The following GALNT2 variants were observed in gnomAD, a reference collection of about 807,000 sequenced individuals.
GALNT2 encodes UDP-GalNAc:polypeptide N-acetylgalactosaminyltransferase 2.
GALNT2 carries 31 observed loss-of-function variants against 81.4 expected under a neutral mutation model. The observed-to-expected ratio is 0.38, with a 90% confidence interval of 0.29 to 0.51. The LOEUF (loss-of-function observed/expected upper bound fraction) is 0.51. GALNT2 is among the 20% of genes least tolerant of loss of function. The pLI is 0.87. For synonymous variants in GALNT2, 303 were observed against 287.4 expected, an observed-to-expected ratio of 1.05 and a Z score of -0.55; for missense variants, 629 against 765.7, an observed-to-expected ratio of 0.82 and a Z score of 2.11.
intron 1 of GALNT2, among the ~76,000 whole-genome samples, chr1:230,086,891 C>T (rs559713885): frequency 1.3e-5 from 2 of 152,286 alleles, no homozygotes; most frequent in East Asian, 3.9e-4. Context: ...CTGCCACTTA[C>T]CTGTGTGCCC....
intron 1 of GALNT2, among the ~76,000 whole-genome samples, chr1:230,089,001 CTG>C (rs1328877781): frequency 1.3e-5 from 2 of 152,140 alleles, no homozygotes; most frequent in African/African-American, 2.4e-5. Context: ...GACTCAAGCA[CTG>C]TGTGTCCTTT....
At chr1:230,100,353 C>G (rs1007103496) in intron 1 of GALNT2, among the ~76,000 whole-genome samples, 9 of 122,804 alleles carry the variant, frequency 7.3e-5, no homozygotes, top group Non-Finnish European at 1.3e-4. Context: ...GAGTCTCGCT[C>G]TGTTGCCCAG....
intron 1 of GALNT2, among the ~76,000 whole-genome samples, chr1:230,163,808 G>C (rs888276385): frequency 6.6e-6 from 1 of 152,222 alleles, no homozygotes; most frequent in Non-Finnish European, 1.5e-5. Context: ...AGTCCCCACT[G>C]ACTGTCTTGG....
At position 230,279,504 on chromosome 1, in the gene GALNT2, G is replaced by A. The variant is rs1666379966; in HGVS notation, c.*46G>A. 3 of 1,586,154 alleles carry A rather than the reference G, an allele frequency of 1.9e-6. No homozygotes were observed. The highest frequency in any genetic ancestry group is 2.6e-6 in the Non-Finnish European group (3 of 1,163,214). Reference sequence around the variant, plus strand: ...CGTCCTGTCTCCTGCACCATTGGGTGGAGTCTGGTGATCACATTATTGATT... The same window carrying A: ...CGTCCTGTCTCCTGCACCATTGGGTAGAGTCTGGTGATCACATTATTGATT... On this transcript the variant is annotated 3_prime_UTR_variant, in exon 16 of 16. Transcript: ENST00000366672. The surrounding 1 kb of genome is among the most constrained non-coding windows in gnomAD (Gnocchi z 4.6).
At chr1:230,170,533 A>G (rs907433647) in intron 1 of GALNT2, among the ~76,000 whole-genome samples, 8 of 152,228 alleles carry the variant, frequency 5.3e-5, no homozygotes, top group African/African-American at 1.9e-4. Flanking sequence ...AACTTTTGCC[A>G]TGGTTCAGAG....
intron 1 of GALNT2, among the ~76,000 whole-genome samples, chr1:230,091,009 C>T (rs56300486): frequency 0.021 from 3,213 of 152,210 alleles, 111 homozygotes; most frequent in African/African-American, 0.071. Context: ...AACTGTGCCT[C>T]GCTGAGAAAG....
At chr1:230,263,831 C>G (rs1665952243) in intron 13 of GALNT2, 1 of 152,244 alleles carries the variant, frequency 6.6e-6, no homozygotes, top group Non-Finnish European at 1.5e-5. Context: ...GCAAGACTTG[C>G]CACCATTATC....
rs1666431652 is a variant in GALNT2, at chr1:230,281,188, T to G, written c.*1730T>G. ...TGAAAGGGGCCACTGTGTGTCTTCC[T>G]CCCCGGCGGGAGCCCCACATGTGTG... On this transcript the variant is annotated 3_prime_UTR_variant, in exon 16 of 16. Coordinates refer to ENST00000366672, the MANE Select transcript of GALNT2 (RefSeq NM_004481.5). 6.6e-6 allele frequency: 1 copy of G among 152,156 alleles called. No individual in the cohort carries two copies. Among genetic ancestry groups the G allele is most frequent in the Admixed American group, 6.5e-5 (1 of 15,278 alleles). 9.4% of individuals were successfully genotyped at this position (152,156 alleles called of 1,614,324 possible). A position where few individuals can be genotyped will look rare whatever the true frequency, so the allele number is the denominator to read the frequency against.
At chr1:230,232,531 T>C (rs1038231074) in intron 3 of GALNT2, among the ~76,000 whole-genome samples, 2 of 152,302 alleles carry the variant, frequency 1.3e-5, no homozygotes, top group East Asian at 3.9e-4. Flanking sequence ...TATGTCTCTT[T>C]TTAAATTCTC....
chr1:230,163,164 AAAC>A (rs35261001), intron 1 of GALNT2, among the ~76,000 whole-genome samples: 102,272 of 151,260 alleles, frequency 0.68, 34,758 homozygotes, highest in East Asian at 0.92. Context: ...CTCCGCATTA[AAAC>A]AACAACAACA....
intron 3 of GALNT2, among the ~76,000 whole-genome samples, chr1:230,227,853 A>G (rs1383673193): frequency 6.6e-6 from 1 of 152,202 alleles, no homozygotes; most frequent in Non-Finnish European, 1.5e-5. Context: ...ACTTTTAAAA[A>G]TTGTATATTG....
intron 10 of GALNT2, among the ~76,000 whole-genome samples, chr1:230,251,934 G>T (rs1665556981): frequency 7.0e-6 from 1 of 143,452 alleles, no homozygotes; most frequent in African/African-American, 2.7e-5. Context: ...CTTTATTGTG[G>T]TTTGGTGTTT....
chr1:230,059,619 CT>C (rs1658996231), intron 1 of GALNT2, among the ~76,000 whole-genome samples: 1 of 152,150 alleles, frequency 6.6e-6, no homozygotes, highest in African/African-American at 2.4e-5. Flanking sequence ...AGGTTTCTGC[CT>C]TTTATCTAAT....
chr1:230,191,956 G>C (rs1330270432), intron 2 of GALNT2, among the ~76,000 whole-genome samples: 1 of 152,252 alleles, frequency 6.6e-6, no homozygotes, highest in Non-Finnish European at 1.5e-5. Flanking sequence ...GTAATGGAAA[G>C]ATTTTCACAC....
intron 3 of GALNT2, among the ~76,000 whole-genome samples, chr1:230,214,937 G>A (rs1341249077): frequency 6.6e-6 from 1 of 152,150 alleles, no homozygotes; most frequent in African/African-American, 2.4e-5. Flanking sequence ...CTTCATTTCA[G>A]TGATTGTGTT....
intron 2 of GALNT2, among the ~76,000 whole-genome samples, chr1:230,196,016 C>G (rs1387436526): frequency 6.6e-6 from 1 of 152,192 alleles, no homozygotes; most frequent in African/African-American, 2.4e-5. Context: ...GTCTGAGCAT[C>G]CTTCGTTCCA....
Position 230,281,873 on chromosome 1 carries a change from G to C in GALNT2, c.*2415G>C, listed in dbSNP as rs770062820. 4.6e-4 allele frequency: 70 copies of C among 152,562 alleles called. No homozygotes were observed. The highest frequency in any genetic ancestry group is 4.1e-3 in the Admixed American group (63 of 15,282). 9.5% of individuals were successfully genotyped at this position (152,562 alleles called of 1,614,324 possible). A position where few individuals can be genotyped will look rare whatever the true frequency, so the allele number is the denominator to read the frequency against. ...TTTAAAACTCAGAATTCTTTCCTAAGAGCCCTTCGAGCAAAGCGTGCCGAA... is the reference window on the plus strand; with the variant it reads ...TTTAAAACTCAGAATTCTTTCCTAACAGCCCTTCGAGCAAAGCGTGCCGAA... On this transcript the variant is annotated 3_prime_UTR_variant, in exon 16 of 16. Transcript: ENST00000366672.
At chr1:230,116,847 G>T (rs895879524) in intron 1 of GALNT2, among the ~76,000 whole-genome samples, 1 of 152,188 alleles carries the variant, frequency 6.6e-6, no homozygotes, top group Non-Finnish European at 1.5e-5. Context: ...ATTCTTAAGG[G>T]TGCTAGGAGT....
rs1010684034 is a variant in GALNT2 at position 230,275,170 on chromosome 1, C to G, written c.1560+606C>G. Among the ~76,000 whole-genome samples the G allele has an allele frequency of 6.7e-6, 1 of 149,568 alleles. No individual in the cohort carries two copies. On this transcript the variant is annotated intron_variant, in intron 15 of 15. Coordinates refer to ENST00000366672, the MANE Select transcript of GALNT2 (RefSeq NM_004481.5). The surrounding 1 kb of genome is among the most constrained non-coding windows in gnomAD (Gnocchi z 5.5). ...ATATACACACCACATATACATATACCTGCCACATATATACATATATAAACA... is the reference window on the plus strand; with the variant it reads ...ATATACACACCACATATACATATACGTGCCACATATATACATATATAAACA...
Sources: allele counts gnomAD v4.1 joint callset (sites outside exome capture counted in the v4.1 genomes callset), GRCh38; gene constraint gnomAD v4.1.1; non-coding constraint Gnocchi (gnomAD v3.1); transcripts MANE v1.5; gene names NCBI Gene and HGNC (gene_info 2026-07-23, HGNC 2026-07-21).